Variants in MARK3 observed in about 807,000 individuals in gnomAD.
MARK3 encodes the protein microtubule affinity regulating kinase 3.
In MARK3, 46 loss-of-function variants were observed where a neutral mutation model predicts 90.1. The ratio of observed to expected loss-of-function variants is 0.51; its 90% CI spans 0.40 to 0.65. The LOEUF (loss-of-function observed/expected upper bound fraction) is 0.65, where lower values mean the gene tolerates loss of function less well. Ranked by LOEUF, MARK3 falls within the 30% of genes least tolerant of loss-of-function variation. The pLI is 0.00. For missense variants in MARK3, 818 were observed against 947.2 expected (o/e 0.86, Z 1.79); for synonymous variants, 321 against 332.6 (o/e 0.97, Z 0.38).
intron 3 of MARK3, among the ~76,000 whole-genome samples, chr14:103,437,166 A>G (rs1444040359): frequency 6.6e-6 from 1 of 152,194 alleles, no homozygotes; most frequent in East Asian, 1.9e-4. Context: ...AAGAAATAGA[A>G]AAACCGGCTT....
At chr14:103,435,662 C>T (rs1173473267) in intron 3 of MARK3, among the ~76,000 whole-genome samples, 3 of 152,106 alleles carry the variant, frequency 2.0e-5, no homozygotes, top group Non-Finnish European at 4.4e-5. Context: ...CCCGCCTTGG[C>T]CTCCCAAAGT....
chr14:103,499,906 A>T (rs1031196422), intron 16 of MARK3: 5 of 514,506 alleles, frequency 9.7e-6, no homozygotes, highest in African/African-American at 9.7e-5. Context: ...ATGGCATGCA[A>T]TGTGTGTGAT....
At chr14:103,437,227 A>G (rs1301641519) in intron 3 of MARK3, among the ~76,000 whole-genome samples, 2 of 152,126 alleles carry the variant, frequency 1.3e-5, no homozygotes, top group Admixed American at 6.6e-5. Flanking sequence ...TTCTTGCCAG[A>G]CTTATTTTTG....
At chr14:103,452,472 T>TTTTTC (rs1491122123) in intron 5 of MARK3, among the ~76,000 whole-genome samples, 2 of 49,450 alleles carry the variant, frequency 4.0e-5, no homozygotes, top group Non-Finnish European at 1.2e-4. Flanking sequence ...AGGATTTGTC[T>TTTTTC]TTTTTTTTTT....
At chr14:103,494,067 C>G (rs1595937467) in intron 15 of MARK3, among the ~76,000 whole-genome samples, 1 of 151,104 alleles carries the variant, frequency 6.6e-6, no homozygotes, top group Non-Finnish European at 1.5e-5. Context: ...AACCCCATCT[C>G]TACTAAAAAT....
At chr14:103,465,889 T>C in intron 8 of MARK3, 83 bp from the exon 9 acceptor site, 1 of 1,555,394 alleles carries the variant, frequency 6.4e-7, no homozygotes, top group Non-Finnish European at 8.7e-7. Context: ...GTGCGGGGGG[T>C]TTCAGGGGGT....
chr14:103,502,810 A>G, intron 17 of MARK3, 72 bp from the exon 18 acceptor site: 1 of 1,203,686 alleles, frequency 8.3e-7, no homozygotes, highest in Non-Finnish European at 1.2e-6. Flanking sequence ...GACGTGAATG[A>G]GGAACTAGCT....
chr14:103,415,784 A>G (rs1228519498), intron 2 of MARK3, among the ~76,000 whole-genome samples: 6 of 152,240 alleles, frequency 3.9e-5, no homozygotes, highest in Admixed American at 3.9e-4. Flanking sequence ...TTAACAAGTC[A>G]AATATACTAA....
chr14:103,502,669 G>T (rs2075733905), intron 17 of MARK3, among the ~76,000 whole-genome samples: 1 of 152,202 alleles, frequency 6.6e-6, no homozygotes, highest in Non-Finnish European at 1.5e-5. Context: ...TTCCAGCTAG[G>T]TAGATCTTTT....
intron 2 of MARK3, among the ~76,000 whole-genome samples, chr14:103,419,407 T>G (rs1445069641): frequency 6.6e-6 from 1 of 152,222 alleles, no homozygotes; most frequent in Non-Finnish European, 1.5e-5. Context: ...AAAATATATA[T>G]TAATTCATCA....
chr14:103,389,457 G>C (rs892785918), intron 1 of MARK3, among the ~76,000 whole-genome samples: 1 of 141,680 alleles, frequency 7.1e-6, no homozygotes, highest in African/African-American at 2.6e-5. Flanking sequence ...GAACACAAGA[G>C]GTGAAGGTTG....
At chr14:103,397,390 G>A (rs1260936913) in intron 1 of MARK3, among the ~76,000 whole-genome samples, 2 of 149,516 alleles carry the variant, frequency 1.3e-5, no homozygotes, top group East Asian at 1.9e-4. Flanking sequence ...GCAGTGGTGC[G>A]ATCTCGGCTC....
chr14:103,453,607 T>C (rs1940708293), intron 5 of MARK3, among the ~76,000 whole-genome samples: 1 of 152,182 alleles, frequency 6.6e-6, no homozygotes, highest in Non-Finnish European at 1.5e-5. Flanking sequence ...TATGTCTAGT[T>C]TGGGAATTTC....
chr14:103,418,219 CTTTT>C (rs36012703), intron 2 of MARK3, among the ~76,000 whole-genome samples: 4 of 61,642 alleles, frequency 6.5e-5, no homozygotes, highest in Non-Finnish European at 6.3e-5. Context: ...ATAGTAAAGG[CTTTT>C]TTTTTTTTTT....
In MARK3 at chr14:103,465,696, A is replaced by G. The variant is rs1487080642; in HGVS notation, c.680A>G (p.Lys227Arg). The change falls in exon 8 of 18, where the codon AAG (lysine) becomes AGG (arginine). Residue 227 changes from lysine to arginine, a missense_variant. Physicochemically the swap from Lys to Arg is conservative, Grantham distance 26. This residue lies in a region of MARK3 where 101 missense variants were observed against 175.1 expected (regional missense o/e 0.58). Transcript: ENST00000429436. ...PYAAPELFQG[K>R]KYDGPEVDVW... is the part of the protein sequence containing the mutation. ...GCAGCACCTGAGCTCTTCCAGGGCA[A>G]GAAATATGACGGGCCAGAAGTGGAT... is the stretch of plus-strand genomic sequence containing the variant. The G allele has an allele frequency of 2.5e-6, 4 of 1,614,184 alleles. No homozygotes were observed. The highest frequency in any genetic ancestry group is 2.2e-5 in the East Asian group (1 of 44,888).
chr14:103,500,328 T>C, intron 17 of MARK3, 128 bp downstream of exon 17: 1 of 694,322 alleles, frequency 1.4e-6, no homozygotes, highest in East Asian at 2.9e-5. Flanking sequence ...GTAGAGAGGG[T>C]GGCCACAAGG....
At chr14:103,478,685 G>A (rs866376109) in intron 13 of MARK3, among the ~76,000 whole-genome samples, 44 of 151,990 alleles carry the variant, frequency 2.9e-4, no homozygotes, top group African/African-American at 9.4e-4. Flanking sequence ...GATTACAGGC[G>A]TGCGCCACCA....
At chr14:103,434,232 A>G (rs1263146171) in intron 3 of MARK3, among the ~76,000 whole-genome samples, 2 of 152,230 alleles carry the variant, frequency 1.3e-5, no homozygotes, top group East Asian at 3.8e-4. Context: ...CTAAAATTGT[A>G]TAGCCAAACA....
Position 103,462,431 on chromosome 14 carries a change from T to A in MARK3, c.510T>A (p.His170Gln). ...RQIVSAVQYC[H>Q]QKRIVHRDLK... Reference sequence around the variant, plus strand: ...TTGTGTCTGCAGTTCAATACTGCCATCAGAAACGGATCGTACATCGAGACC... The same window carrying A: ...TTGTGTCTGCAGTTCAATACTGCCAACAGAAACGGATCGTACATCGAGACC... Residue 170 changes from histidine (H) to glutamine (Q), a missense_variant, in exon 7 of 18, where the codon CAT becomes CAA. This residue lies in a region of MARK3 where 101 missense variants were observed against 175.1 expected (regional missense o/e 0.58). Transcript: ENST00000429436. 6.2e-7 allele frequency: 1 copy of A among 1,605,148 alleles called. No individual in the cohort carries two copies. Among genetic ancestry groups the A allele is most frequent in the Non-Finnish European group, 8.5e-7 (1 of 1,172,498 alleles).
Sources: gnomAD v4.1 joint callset for allele counts (sites outside exome capture counted in the v4.1 genomes callset) on GRCh38, gnomAD v4.1.1 for gene constraint, gnomAD v4.1.1 regional missense constraint, MANE v1.5 for transcripts, NCBI Gene and HGNC (gene_info 2026-07-23, HGNC 2026-07-21) for gene names.